GSTO2: variants seen among roughly 807,000 people sequenced by gnomAD.
GSTO2 encodes the protein glutathione S-transferase omega-2.
GSTO2 carries 23 observed loss-of-function variants against 28.4 expected under a neutral mutation model. The observed-to-expected ratio is 0.81, with a 90% CI of 0.58 to 1.15. The LOEUF (loss-of-function observed/expected upper bound fraction) is 1.15, where lower values mean the gene tolerates loss of function less well. GSTO2 is among the 50% of genes most tolerant of loss of function. The pLI, the probability that GSTO2 is intolerant of heterozygous loss-of-function variation, is 0.00. For missense variants in GSTO2, 298 were observed against 297.8 expected (o/e 1.00, Z 0.00); for synonymous variants, 109 against 111.0 (o/e 0.98, Z 0.11).
intron 5 of GSTO2, among the ~76,000 whole-genome samples, chr10:104,290,504 CAAAAAA>C (rs111825863): frequency 2.7e-5 from 3 of 111,758 alleles, no homozygotes; most frequent in Non-Finnish European, 5.7e-5. Flanking sequence ...CACTCTGTCT[CAAAAAA>C]AAAAAAGAAA....
At position 104,297,392 on chromosome 10, in the gene GSTO2, G is replaced by A. The variant is rs1471486011; in HGVS notation, c.469-186G>A. On this transcript the variant is annotated intron_variant, in intron 5 of 6. Transcript: ENST00000338595. ...AGGGAAGGGACAGAGGTGGCCAGGA[G>A]TGTGACCCTAAAAGAGGCAGAGGAG... 1.7e-5 allele frequency: 8 copies of A among 473,214 alleles called. No homozygotes were observed. The East Asian group carries it at 2.3e-4, about 13-fold the overall frequency. The allele number at this position is 473,214 out of a possible 1,614,324, so 29.3% of individuals were successfully genotyped here.
chr10:104,276,959 A>G (rs2011666241), intron 3 of GSTO2, among the ~76,000 whole-genome samples: 1 of 152,230 alleles, frequency 6.6e-6, no homozygotes, highest in African/African-American at 2.4e-5. Flanking sequence ...AAGAATTAAA[A>G]AAGTTATTGC....
At chr10:104,288,254 C>T (rs1032116649) in intron 5 of GSTO2, 1 of 152,200 alleles carries the variant, frequency 6.6e-6, no homozygotes, top group Non-Finnish European at 1.5e-5. Context: ...TTATCCAGCA[C>T]ACTAATTAGG....
At chr10:104,283,867 A>G (rs2012235718) in intron 5 of GSTO2, among the ~76,000 whole-genome samples, 2 of 152,086 alleles carry the variant, frequency 1.3e-5, no homozygotes, top group East Asian at 3.9e-4. Flanking sequence ...TATATTAAAT[A>G]CTCATTGTCT....
intron 5 of GSTO2, among the ~76,000 whole-genome samples, chr10:104,282,461 A>G (rs2012127660): frequency 6.6e-6 from 1 of 151,164 alleles, no homozygotes; most frequent in Non-Finnish European, 1.5e-5. Context: ...GGCTGAGATG[A>G]GAGGATCACT....
At chr10:104,280,812 C>T (rs548602707) in intron 5 of GSTO2, among the ~76,000 whole-genome samples, 7 of 152,350 alleles carry the variant, frequency 4.6e-5, no homozygotes, top group Admixed American at 3.9e-4. Flanking sequence ...TATTAATACT[C>T]TTCCATTTGA....
intron 5 of GSTO2, among the ~76,000 whole-genome samples, chr10:104,279,984 A>G (rs142708619): frequency 1.3e-3 from 196 of 152,100 alleles, no homozygotes; most frequent in South Asian, 5.4e-3. Flanking sequence ...GCAACATAGC[A>G]AGACCCCTCC....
intron 5 of GSTO2, chr10:104,291,242 C>T (rs535400701): frequency 1.5e-4 from 23 of 152,334 alleles, no homozygotes; most frequent in African/African-American, 5.3e-4. Context: ...GAAAAACTTT[C>T]TTCCTCCTCC....
At chr10:104,274,182 A>G (rs1029098171) in intron 1 of GSTO2, among the ~76,000 whole-genome samples, 6 of 152,186 alleles carry the variant, frequency 3.9e-5, no homozygotes, top group Non-Finnish European at 7.3e-5. Context: ...GGAAGCTCAC[A>G]AATTGTTCTT....
At position 104,279,446 on chromosome 10, in the gene GSTO2, G is replaced by C. The variant is rs202239024; in HGVS notation, c.443G>C (p.Arg148Pro). ...RECTNLKAAL[R>P]QEFSNLEEIL... is the part of the protein sequence containing the mutation. The stretch of plus-strand genomic sequence containing the variant: ...TGCACTAATCTGAAGGCAGCCCTGC[G>C]TCAGGAATTCAGCAACCTGGAAGAG... The change falls in exon 5 of 7, where the codon CGT becomes CCT. Residue 148 changes from arginine to proline, a missense_variant. Arg to Pro is a moderately radical substitution (Grantham distance 103). Transcript: ENST00000338595. 6.2e-7 allele frequency: 1 copy of C among 1,613,998 alleles called. No individual in the cohort carries two copies. The highest frequency in any genetic ancestry group is 8.5e-7 in the Non-Finnish European group (1 of 1,179,886).
chr10:104,270,962 C>G (rs781684718), intron 1 of GSTO2, among the ~76,000 whole-genome samples: 5 of 152,212 alleles, frequency 3.3e-5, no homozygotes, highest in Non-Finnish European at 5.9e-5. Flanking sequence ...CAGATCCGAT[C>G]ATATTTCAGG....
chr10:104,299,013 G>GA, intron 6 of GSTO2, 115 bp from the exon 7 acceptor site: 5 of 926,850 alleles, frequency 5.4e-6, no homozygotes, highest in Non-Finnish European at 7.9e-6. Flanking sequence ...AGATAACTAA[G>GA]ATAACTTCCC....
chr10:104,290,435 G>C (rs2012705267), intron 5 of GSTO2, among the ~76,000 whole-genome samples: 1 of 151,854 alleles, frequency 6.6e-6, no homozygotes, highest in African/African-American at 2.4e-5. Context: ...AATCTGGGAG[G>C]CAGAGGTTGC....
At position 104,275,265 on chromosome 10, in the gene GSTO2, G is replaced by A; in HGVS notation, c.74G>A (p.Arg25His). 5 of 1,614,004 alleles carry A rather than the reference G, an allele frequency of 3.1e-6. No individual in the cohort carries two copies. Among genetic ancestry groups the A allele is most frequent in the Non-Finnish European group, 4.2e-6 (5 of 1,179,978 alleles). Residue 25 changes from arginine to histidine, a missense_variant, in exon 3 of 7, where the codon CGC becomes CAC. Coordinates refer to ENST00000338595, the MANE Select transcript of GSTO2 (RefSeq NM_183239.2). Reference sequence around the variant, plus strand: ...GGGCCAGTCCCGGAGGGGCTGATCCGCATCTACAGCATGAGGTTCTGCCCC... The same window carrying A: ...GGGCCAGTCCCGGAGGGGCTGATCCACATCTACAGCATGAGGTTCTGCCCC... ...PPGPVPEGLIRIYSMRFCPYS... is the reference protein window; with the variant it reads ...PPGPVPEGLIHIYSMRFCPYS...
In GSTO2 at chr10:104,275,207, C is replaced by G. The variant is rs1215057759; in HGVS notation, c.35-19C>G. 4 of 1,603,830 alleles carry G rather than the reference C, an allele frequency of 2.5e-6. No individual in the cohort carries two copies. In the East Asian group the frequency reaches 6.7e-5, roughly 27 times the overall value. The stretch of plus-strand genomic sequence containing the variant: ...ACTAGCCTCTCCTTTCCCTGTCCCC[C>G]TCCATCGCTGCTCTGCAGGAAGCCA... On this transcript the variant is annotated intron_variant, in intron 2 of 6. Coordinates refer to ENST00000338595, the MANE Select transcript of GSTO2 (RefSeq NM_183239.2).
Position 104,274,863 on chromosome 10 carries a change from G to A in GSTO2, c.-53G>A, listed in dbSNP as rs183441930. The A allele has an allele frequency of 2.7e-4, 435 of 1,587,102 alleles. 4 individuals are homozygous for A. Among genetic ancestry groups the A allele is most frequent in the East Asian group, 9.2e-4 (40 of 43,494 alleles). ...CTGGAGCCTGCGGCAGCGGTGGCGA[G>A]CCACAGGGCGGCGACCGTGAGCTCC... is the stretch of plus-strand genomic sequence containing the variant. On this transcript the variant is annotated 5_prime_UTR_variant, in exon 2 of 7. Transcript: ENST00000338595.
intron 5 of GSTO2, among the ~76,000 whole-genome samples, chr10:104,292,311 A>C (rs747862551): frequency 8.6e-5 from 13 of 150,720 alleles, no homozygotes; most frequent in Non-Finnish European, 1.3e-4. Flanking sequence ...CCTGGGCACC[A>C]CTACACCCAG....
chr10:104,299,393 C>G lies in GSTO2; in HGVS notation c.*109C>G, dbSNP rs1189770481. ...TCTCTCTTTCTTTTCTTTGAAGTTC[C>G]CAATAAAATGAAAACAGGAAATGTA... On this transcript the variant is annotated 3_prime_UTR_variant, in exon 7 of 7. Transcript: ENST00000338595. The G allele has an allele frequency of 1.6e-6, 2 of 1,263,744 alleles. No homozygotes were observed. Among genetic ancestry groups the G allele is most frequent in the Non-Finnish European group, 1.1e-6 (1 of 887,516 alleles). The allele number at this position is 1,263,744 out of a possible 1,614,324, so 78.3% of individuals were successfully genotyped here.
At chr10:104,279,499 A>G (rs1564845350) in intron 5 of GSTO2, 28 bp downstream of exon 5, 1 of 1,518,062 alleles carries the variant, frequency 6.6e-7, no homozygotes, top group Non-Finnish European at 9.1e-7. Context: ...TCTCCTGGTC[A>G]GCTACAGTGG....
Sources: allele counts gnomAD v4.1 joint callset (sites outside exome capture counted in the v4.1 genomes callset), GRCh38; gene constraint gnomAD v4.1.1; transcripts MANE v1.5; gene names NCBI Gene and HGNC (gene_info 2026-07-23, HGNC 2026-07-21).